The following CLNK variants were observed in gnomAD, a reference collection of about 807,000 sequenced individuals.
CLNK encodes the protein cytokine dependent hematopoietic cell linker.
CLNK carries 74 observed loss-of-function variants against 68.6 expected under a neutral mutation model. That is an observed-to-expected ratio of 1.08 (90% CI 0.89 to 1.31). The LOEUF (loss-of-function observed/expected upper bound fraction) is 1.31, where lower values mean the gene tolerates loss of function less well. Among genes scored for constraint, CLNK ranks in the 50% most tolerant of loss-of-function variants. The pLI is 0.00. For synonymous variants in CLNK, 198 were observed against 172.2 expected, an observed-to-expected ratio of 1.15 and a Z score of -1.17; for missense variants, 553 against 515.3, an observed-to-expected ratio of 1.07 and a Z score of -0.71.
At chr4:10,602,540 G>T (rs1242487050) in intron 2 of CLNK, among the ~76,000 whole-genome samples, 1 of 152,156 alleles carries the variant, frequency 6.6e-6, no homozygotes, top group Non-Finnish European at 1.5e-5. Flanking sequence ...GCCACTAAAC[G>T]CTGGAAGAGG....
intron 1 of CLNK, among the ~76,000 whole-genome samples, chr4:10,681,866 G>A (rs1181388821): frequency 6.6e-6 from 1 of 152,146 alleles, no homozygotes; most frequent in Non-Finnish European, 1.5e-5. Flanking sequence ...CATGGAGCCT[G>A]CCTGAACTTC....
intron 1 of CLNK, among the ~76,000 whole-genome samples, chr4:10,675,409 C>A (rs1724830260): frequency 6.6e-6 from 1 of 152,086 alleles, no homozygotes; most frequent in South Asian, 2.1e-4. Flanking sequence ...TAATTAATAT[C>A]CTTATGGTAT....
At chr4:10,658,436 A>T (rs921645503) in intron 2 of CLNK, among the ~76,000 whole-genome samples, 9 of 152,148 alleles carry the variant, frequency 5.9e-5, no homozygotes, top group African/African-American at 2.2e-4. Context: ...GCTTAAAACG[A>T]CGGTTTGTTT....
chr4:10,543,034 C>T (rs1719098819), intron 8 of CLNK, among the ~76,000 whole-genome samples: 1 of 152,164 alleles, frequency 6.6e-6, no homozygotes, highest in Non-Finnish European at 1.5e-5. Context: ...GCGATCCTTC[C>T]TGTCAAGGTG....
chr4:10,734,570 C>T, the CLNK span, among the ~76,000 whole-genome samples: 1 of 152,212 alleles, frequency 6.6e-6, no homozygotes, highest in Non-Finnish European at 1.5e-5. Context: ...GACTAAATGA[C>T]TTGCAACTGT....
At chr4:10,558,501 A>G (rs1380831310) in intron 7 of CLNK, 49 bp from the exon 8 acceptor site, 1 of 1,538,356 alleles carries the variant, frequency 6.5e-7, no homozygotes, top group Admixed American at 1.7e-5. Context: ...TGACTATGAC[A>G]CTATCTGATG....
intron 10 of CLNK, 70 bp from the exon 11 acceptor site, chr4:10,540,674 A>T: frequency 1.9e-6 from 2 of 1,049,216 alleles, no homozygotes; most frequent in East Asian, 2.4e-5. Flanking sequence ...CCCTGAATCC[A>T]CACTGCTCTG....
At chr4:10,576,288 C>T (rs1720561949) in intron 4 of CLNK, among the ~76,000 whole-genome samples, 1 of 152,118 alleles carries the variant, frequency 6.6e-6, no homozygotes, top group Non-Finnish European at 1.5e-5. Context: ...CTTCCTAGGG[C>T]CATTTTCTAA....
intron 2 of CLNK, among the ~76,000 whole-genome samples, chr4:10,662,664 A>G (rs1448108693): frequency 6.6e-6 from 1 of 152,230 alleles, no homozygotes; most frequent in African/African-American, 2.4e-5. Context: ...AGAAAAGGAA[A>G]CATTGTTATT....
intron 2 of CLNK, among the ~76,000 whole-genome samples, chr4:10,660,587 A>G (rs1434014033): frequency 6.6e-6 from 1 of 152,218 alleles, no homozygotes; most frequent in Non-Finnish European, 1.5e-5. Context: ...TGACATTTTC[A>G]AAGACCATAA....
chr4:10,630,014 G>T (rs565935935), intron 2 of CLNK, among the ~76,000 whole-genome samples: 10 of 152,156 alleles, frequency 6.6e-5, no homozygotes, highest in Non-Finnish European at 1.5e-4. Context: ...TGGGGACCAC[G>T]GCAGTGCAAA....
At position 10,645,946 on chromosome 4, in the gene CLNK, C is replaced by T. The variant is rs115106976; in HGVS notation, c.11+21913G>A. The stretch of plus-strand genomic sequence containing the variant: ...TCTATTTATGTATCCAAGTAGATGC[C>T]CATTATTTATTAAGGAAAAAGGGCA... On this transcript the variant is annotated intron_variant, in intron 2 of 18. Coordinates refer to ENST00000226951, the MANE Select transcript of CLNK (RefSeq NM_052964.4). 1.9e-3 allele frequency among the ~76,000 whole-genome samples: 284 copies of T among 151,964 alleles called. 1 individual carries two copies. Among genetic ancestry groups the T allele is most frequent in the African/African-American group, 6.5e-3 (268 of 41,434 alleles).
the CLNK span, among the ~76,000 whole-genome samples, chr4:10,709,368 TG>T: frequency 6.6e-6 from 1 of 152,228 alleles, no homozygotes; most frequent in Non-Finnish European, 1.5e-5. Flanking sequence ...TCATTAGCAC[TG>T]CCATGTGAGG....
At chr4:10,592,057 G>A (rs1301914660) in intron 3 of CLNK, among the ~76,000 whole-genome samples, 1 of 152,202 alleles carries the variant, frequency 6.6e-6, no homozygotes, top group Non-Finnish European at 1.5e-5. Flanking sequence ...CCCTGCCGGG[G>A]CCTGTCTGGT....
At chr4:10,600,091 C>T (rs1721534764) in intron 2 of CLNK, among the ~76,000 whole-genome samples, 1 of 152,178 alleles carries the variant, frequency 6.6e-6, no homozygotes, top group Non-Finnish European at 1.5e-5. Flanking sequence ...TCCTTTATTT[C>T]CTGCTACCCT....
In CLNK at chr4:10,620,856, A is replaced by C. The variant is rs1189813958; in HGVS notation, c.12-22807T>G. Reference sequence around the variant, plus strand: ...GGTGGCTCACACCTGTAATCCCAGCACTTTGGGAGGCTGAGGCAGGCAGAT... The same window carrying C: ...GGTGGCTCACACCTGTAATCCCAGCCCTTTGGGAGGCTGAGGCAGGCAGAT... On this transcript the variant is annotated intron_variant, in intron 2 of 18. Transcript: ENST00000226951. 3.3e-5 allele frequency among the ~76,000 whole-genome samples: 5 copies of C among 151,998 alleles called. No homozygotes were observed. In the East Asian group the frequency reaches 9.7e-4, roughly 30 times the overall value.
At chr4:10,690,964 A>G in the CLNK span, among the ~76,000 whole-genome samples, 12 of 152,146 alleles carry the variant, frequency 7.9e-5, no homozygotes, top group Non-Finnish European at 1.8e-4. Context: ...AGAATGAAAC[A>G]GGATAATGAA....
At chr4:10,587,349 G>C (rs1048169121) in intron 3 of CLNK, among the ~76,000 whole-genome samples, 5 of 152,138 alleles carry the variant, frequency 3.3e-5, no homozygotes, top group African/African-American at 9.7e-5. Context: ...CTAGGTTTTG[G>C]GCCATGCTTT....
At chr4:10,624,393 C>T (rs1192420796) in intron 2 of CLNK, among the ~76,000 whole-genome samples, 1 of 152,074 alleles carries the variant, frequency 6.6e-6, no homozygotes, top group Non-Finnish European at 1.5e-5. Flanking sequence ...CCTGGGTTCA[C>T]GCCATTCTCC....
Sources: allele counts gnomAD v4.1 joint callset (sites outside exome capture counted in the v4.1 genomes callset), GRCh38; gene constraint gnomAD v4.1.1; transcripts MANE v1.5; gene names NCBI Gene and HGNC (gene_info 2026-07-23, HGNC 2026-07-21).